CTTNBP2NL: variants seen among roughly 807,000 people sequenced by gnomAD.
CTTNBP2NL encodes the protein CTTNBP2 N-terminal-like protein.
In CTTNBP2NL, 16 loss-of-function variants were observed where a neutral mutation model predicts 32.5. The ratio of observed to expected loss-of-function variants is 0.49; its 90% CI spans 0.33 to 0.75. CTTNBP2NL has a LOEUF of 0.75. Among genes scored for constraint, CTTNBP2NL ranks in the 30% least tolerant of loss-of-function variants. The pLI, the probability that CTTNBP2NL is intolerant of heterozygous loss-of-function variation, is 0.02. For synonymous variants in CTTNBP2NL, 298 were observed against 289.4 expected (o/e 1.03, Z -0.30); for missense variants, 645 against 756.0 (o/e 0.85, Z 1.72).
Position 112,460,158 on chromosome 1 carries a change from G to A in CTTNBP2NL, c.*2746G>A, listed in dbSNP as rs189646432. Reference sequence around the variant, plus strand: ...ACACAAGCATTAACTAGGCATTAACGTTTGTAAAGCCAAATATACCATGCA... The same window carrying A: ...ACACAAGCATTAACTAGGCATTAACATTTGTAAAGCCAAATATACCATGCA... On this transcript the variant is annotated 3_prime_UTR_variant, in exon 6 of 6. Transcript: ENST00000271277. 9.9e-5 allele frequency: 15 copies of A among 152,282 alleles called. No homozygotes were observed. In the South Asian group the frequency reaches 2.1e-3, roughly 21 times the overall value. 9.4% of individuals were successfully genotyped at this position (152,282 alleles called of 1,614,324 possible).
chr1:112,447,070 C>T (rs968208324), intron 3 of CTTNBP2NL, among the ~76,000 whole-genome samples: 1 of 151,826 alleles, frequency 6.6e-6, no homozygotes, highest in African/African-American at 2.4e-5. Flanking sequence ...GTCGGGAGAT[C>T]GAGACCATCC....
chr1:112,434,963 C>G (rs987966316), intron 3 of CTTNBP2NL, among the ~76,000 whole-genome samples: 5 of 151,602 alleles, frequency 3.3e-5, no homozygotes, highest in African/African-American at 1.2e-4. Flanking sequence ...GCCAACATGG[C>G]AAAACCCCAT....
intron 3 of CTTNBP2NL, among the ~76,000 whole-genome samples, chr1:112,434,903 G>A (rs530060993): frequency 6.6e-6 from 1 of 152,208 alleles, no homozygotes; most frequent in Non-Finnish European, 1.5e-5. Context: ...AGCACTTTGG[G>A]AGGCCGAGGC....
chr1:112,398,700 A>T (rs1329074824), intron 1 of CTTNBP2NL, among the ~76,000 whole-genome samples: 1 of 151,504 alleles, frequency 6.6e-6, no homozygotes, highest in East Asian at 1.9e-4. Flanking sequence ...AATCCTTGCT[A>T]CTTGGGAGGC....
intron 3 of CTTNBP2NL, among the ~76,000 whole-genome samples, chr1:112,422,721 G>A (rs941609601): frequency 2.0e-5 from 3 of 152,016 alleles, no homozygotes; most frequent in African/African-American, 4.8e-5. Context: ...TATTATTGTT[G>A]GCTGATGTTA....
chr1:112,412,608 CTTT>C (rs35667800), intron 2 of CTTNBP2NL, among the ~76,000 whole-genome samples: 1 of 88,922 alleles, frequency 1.1e-5, no homozygotes, highest in African/African-American at 5.5e-5. Flanking sequence ...GAGTTGGTAC[CTTT>C]TTTTTTTTTT....
rs115199762 is a variant in CTTNBP2NL at position 112,409,791 on chromosome 1, C to T, written c.-133-2403C>T. ...CTTCTTCAAGAAAGAAGAAGCATAA[C>T]CGAAACCAGAATAAGTGGAGCTCGG... On this transcript the variant is annotated intron_variant, in intron 1 of 5. Coordinates refer to ENST00000271277, the MANE Select transcript of CTTNBP2NL (RefSeq NM_018704.3). 6.1e-3 allele frequency among the ~76,000 whole-genome samples: 934 copies of T among 152,244 alleles called. 6 individuals carry two copies. Among genetic ancestry groups the T allele is most frequent in the African/African-American group, 0.021 (892 of 41,524 alleles).
chr1:112,435,644 A>G (rs1042251558), intron 3 of CTTNBP2NL, among the ~76,000 whole-genome samples: 5 of 152,240 alleles, frequency 3.3e-5, no homozygotes, highest in African/African-American at 1.2e-4. Context: ...TTCTTCAGGC[A>G]GGAAATCATT....
upstream of CTTNBP2NL, among the ~76,000 whole-genome samples, chr1:112,391,663 A>G (rs1648185335): frequency 6.6e-6 from 1 of 152,100 alleles, no homozygotes; most frequent in South Asian, 2.1e-4. Flanking sequence ...CTTCATTGCC[A>G]CCCACTATTC....
rs200721619 is a variant in CTTNBP2NL, at chr1:112,430,214, TTCTTTTCTTG to T, written c.99+13959_99+13968del. Among the ~76,000 whole-genome samples the T allele has an allele frequency of 9.2e-3, 376 of 41,076 alleles. 2 individuals carry two copies. Among genetic ancestry groups the T allele is most frequent in the Middle Eastern group, 0.016 (1 of 64 alleles). 26.9% of individuals were successfully genotyped at this position (41,076 alleles called of 152,430 possible). A position where few individuals can be genotyped will look rare whatever the true frequency, so the allele number is the denominator to read the frequency against. On this transcript the variant is annotated intron_variant, in intron 3 of 5. Transcript: ENST00000271277. ...TTCTTTTCTTTTCTTTTCTTTTCTTTTCTTTTCTTGTCTTTTCTCTTTCATTTTTGAGACA... is the reference window on the plus strand; with the variant it reads ...TTCTTTTCTTTTCTTTTCTTTTCTTTTCTTTTCTCTTTCATTTTTGAGACA...
intron 3 of CTTNBP2NL, among the ~76,000 whole-genome samples, chr1:112,446,719 T>C (rs1226641055): frequency 6.6e-6 from 1 of 152,054 alleles, no homozygotes; most frequent in Non-Finnish European, 1.5e-5. Context: ...CCCAGCTAAT[T>C]TTTTGTTTTT....
chr1:112,408,822 T>C (rs1648766292), intron 1 of CTTNBP2NL, among the ~76,000 whole-genome samples: 1 of 152,098 alleles, frequency 6.6e-6, no homozygotes, highest in Non-Finnish European at 1.5e-5. Context: ...GCTTGGCTTA[T>C]ATGTATTGAA....
intron 1 of CTTNBP2NL, among the ~76,000 whole-genome samples, chr1:112,404,382 T>C (rs1323563339): frequency 6.6e-6 from 1 of 152,176 alleles, no homozygotes; most frequent in African/African-American, 2.4e-5. Context: ...TCAGATAAAG[T>C]CAGGTTATGG....
chr1:112,455,333 C>T (rs1218004900), intron 5 of CTTNBP2NL, among the ~76,000 whole-genome samples: 2 of 152,092 alleles, frequency 1.3e-5, no homozygotes, highest in East Asian at 3.9e-4. Context: ...TGGAAAAACC[C>T]TGTCTCTACT....
At chr1:112,400,901 G>A (rs1346478453) in intron 1 of CTTNBP2NL, among the ~76,000 whole-genome samples, 2 of 150,994 alleles carry the variant, frequency 1.3e-5, no homozygotes, top group Non-Finnish European at 2.9e-5. Flanking sequence ...AGGAGGTGGA[G>A]GTTGTAGTGA....
rs754282636 is a variant in CTTNBP2NL, at chr1:112,448,993, A to C, written c.151A>C (p.Ser51Arg). The change falls in exon 4 of 6, where the codon AGT becomes CGT. Residue 51 changes from serine to arginine, a missense_variant. Transcript: ENST00000271277. The stretch of plus-strand genomic sequence containing the variant: ...AGAACGCTATGGAAAATATAACATC[A>C]GTGATCCTTTAATGGCTCTACAGAG... ...IEERYGKYNI[S>R]DPLMALQRDF... The C allele has an allele frequency of 1.2e-6, 2 of 1,613,618 alleles. No homozygotes were observed. Among genetic ancestry groups the C allele is most frequent in the East Asian group, 2.2e-5 (1 of 44,892 alleles).
At chr1:112,433,362 G>A (rs765350723) in intron 3 of CTTNBP2NL, among the ~76,000 whole-genome samples, 1 of 152,216 alleles carries the variant, frequency 6.6e-6, no homozygotes, top group South Asian at 2.1e-4. Flanking sequence ...GGGAGGCCAA[G>A]GTGGGTGGAT....
intron 3 of CTTNBP2NL, among the ~76,000 whole-genome samples, chr1:112,427,013 T>A (rs1649426024): frequency 6.6e-6 from 1 of 152,206 alleles, no homozygotes; most frequent in Admixed American, 6.5e-5. Context: ...CAACTTTCCT[T>A]TGTCTTTTAT....
upstream of CTTNBP2NL, among the ~76,000 whole-genome samples, chr1:112,394,282 G>A (rs1269017186): frequency 6.6e-6 from 1 of 151,572 alleles, no homozygotes; most frequent in Non-Finnish European, 1.5e-5. Context: ...TGACTCAGAA[G>A]CCAGCAGAAA....
Sources: allele counts gnomAD v4.1 joint callset (sites outside exome capture counted in the v4.1 genomes callset), GRCh38; gene constraint gnomAD v4.1.1; transcripts MANE v1.5; gene names NCBI Gene and HGNC (gene_info 2026-07-23, HGNC 2026-07-21).